The following DDX31 variants were observed in gnomAD, a reference collection of about 807,000 sequenced individuals.
The protein encoded by DDX31 is ATP-dependent DNA helicase DDX31.
A neutral mutation model predicts 91.3 loss-of-function variants in DDX31; 70 were observed. That is an observed-to-expected ratio of 0.77 (90% confidence interval 0.63 to 0.94). DDX31 has a LOEUF of 0.94. Ranked by LOEUF, DDX31 falls within the 40% of genes least tolerant of loss-of-function variation. The pLI is 0.00. For synonymous variants in DDX31, 362 were observed against 350.6 expected, an observed-to-expected ratio of 1.03 and a Z score of -0.36; for missense variants, 902 against 925.0, an observed-to-expected ratio of 0.98 and a Z score of 0.32.
intron 19 of DDX31, among the ~76,000 whole-genome samples, chr9:132,607,453 T>C (rs1404778410): frequency 6.6e-6 from 1 of 152,232 alleles, no homozygotes; most frequent in Non-Finnish European, 1.5e-5. Flanking sequence ...ATTGCATTAC[T>C]GATAATGAAG....
intron 17 of DDX31, among the ~76,000 whole-genome samples, chr9:132,618,849 C>T (rs900681084): frequency 5.9e-5 from 9 of 152,170 alleles, no homozygotes; most frequent in Non-Finnish European, 1.2e-4. Context: ...AGTGGAACAC[C>T]GACAATTTCT....
chr9:132,634,638 G>A (rs1383603817), intron 14 of DDX31, among the ~76,000 whole-genome samples: 1 of 138,940 alleles, frequency 7.2e-6, no homozygotes, highest in African/African-American at 2.6e-5. Context: ...TGCTGCCCAG[G>A]CTGGAGTGCA....
chr9:132,595,031 G>A lies in DDX31; in HGVS notation c.2076C>T (p.Ala692=), dbSNP rs745675409. 9 of 1,614,204 alleles carry A rather than the reference G, an allele frequency of 5.6e-6. No homozygotes were observed. The highest frequency in any genetic ancestry group is 6.8e-6 in the Non-Finnish European group (8 of 1,180,048). Residue 692 remains alanine, a synonymous_variant, in exon 20 of 20, where the codon GCC becomes GCT. Transcript: ENST00000372159. This position sits in a 1 kb window ranked among gnomAD's most constrained non-coding sequence, Gnocchi z 4.6. ...LRSEYSSGME[A]DIAKVKKQNA... Reference sequence around the variant, plus strand: ...TTTGCTTTTTGACCTTGGCGATGTCGGCCTCCATGCCGCTTGAGTATTCCG... The same window carrying A: ...TTTGCTTTTTGACCTTGGCGATGTCAGCCTCCATGCCGCTTGAGTATTCCG...
In DDX31 at chr9:132,641,881, G is replaced by C. The variant is rs149280043; in HGVS notation, c.1440+123C>G. 65 of 927,608 alleles carry C rather than the reference G, an allele frequency of 7.0e-5. No individual in the cohort carries two copies. The African/African-American group carries it at 1.1e-3, about 15-fold the overall frequency. 57.5% of individuals were successfully genotyped at this position (927,608 alleles called of 1,614,324 possible). On this transcript the variant is annotated intron_variant, in intron 14 of 19. Coordinates refer to ENST00000372159, the MANE Select transcript of DDX31 (RefSeq NM_022779.9). The stretch of plus-strand genomic sequence containing the variant: ...GGTGCAAAGAGGCCAGCCCCACCAA[G>C]GGGCCCCTAGTGTTCCTGGGCCCTG...
chr9:132,654,477 G>C (rs1182276759), intron 6 of DDX31, among the ~76,000 whole-genome samples: 1 of 152,080 alleles, frequency 6.6e-6, no homozygotes, highest in East Asian at 1.9e-4. Flanking sequence ...GCCAGGCGTG[G>C]TGGTGCATGC....
chr9:132,669,576 C>G, intron 1 of DDX31: 2 of 1,476,660 alleles, frequency 1.4e-6, no homozygotes, highest in Non-Finnish European at 1.8e-6. Context: ...CTACCTTCCA[C>G]GGGAAACAGC....
intron 14 of DDX31, among the ~76,000 whole-genome samples, chr9:132,638,844 T>C (rs1833295328): frequency 6.6e-6 from 1 of 152,204 alleles, no homozygotes. Flanking sequence ...TGAACTTCTG[T>C]GTGAGCACAC....
intron 1 of DDX31, among the ~76,000 whole-genome samples, chr9:132,667,226 C>T (rs1369293585): frequency 1.3e-5 from 2 of 152,104 alleles, no homozygotes; most frequent in Non-Finnish European, 2.9e-5. Context: ...TTTCTAAATC[C>T]AGTATATTAG....
chr9:132,666,700 TTTTTTG>T (rs1306264263), intron 1 of DDX31, among the ~76,000 whole-genome samples: 9 of 150,472 alleles, frequency 6.0e-5, no homozygotes, highest in South Asian at 4.2e-4. Flanking sequence ...TTTGTGTTTG[TTTTTTG>T]TTTTTGTTTT....
intron 19 of DDX31, 47 bp downstream of exon 19, chr9:132,612,040 A>C: frequency 6.3e-7 from 1 of 1,584,828 alleles, no homozygotes; most frequent in Admixed American, 1.7e-5. Context: ...ACATCATGTG[A>C]ACGGAGCTCT....
intron 1 of DDX31, 95 bp from the exon 2 acceptor site, chr9:132,662,790 TCTCC>T: frequency 2.6e-6 from 4 of 1,527,980 alleles, no homozygotes; most frequent in Non-Finnish European, 3.6e-6. Context: ...GAATTGCATC[TCTCC>T]CTGCAGAGAT....
intron 6 of DDX31, among the ~76,000 whole-genome samples, chr9:132,653,608 T>C (rs890972561): frequency 2.8e-5 from 3 of 108,422 alleles, no homozygotes; most frequent in Admixed American, 9.3e-5. Flanking sequence ...TAGCAAAAAA[T>C]ATACAAAATC....
intron 13 of DDX31, among the ~76,000 whole-genome samples, chr9:132,645,238 A>T (rs1833750427): frequency 6.6e-6 from 1 of 152,118 alleles, no homozygotes; most frequent in Non-Finnish European, 1.5e-5. Flanking sequence ...CTCCATAACA[A>T]ACGGCCTAGT....
Position 132,595,209 on chromosome 9 carries a change from G to A in DDX31, c.1995-97C>T. ...TAGCAGCTGGTTCTGAGACTGTGAA[G>A]CTGACATTTTTGTATTAACAGAAGT... On this transcript the variant is annotated intron_variant, in intron 19 of 19. Transcript: ENST00000372159. The surrounding 1 kb of genome is among the most constrained non-coding windows in gnomAD (Gnocchi z 4.6). 1 of 1,443,316 alleles carries A rather than the reference G, an allele frequency of 6.9e-7. No homozygotes were observed. The highest frequency in any genetic ancestry group is 9.3e-7 in the Non-Finnish European group (1 of 1,075,016). 89.4% of individuals were successfully genotyped at this position (1,443,316 alleles called of 1,614,324 possible).
intron 16 of DDX31, 89 bp downstream of exon 16, chr9:132,630,175 G>A (rs993495883): frequency 4.3e-5 from 61 of 1,410,950 alleles, no homozygotes; most frequent in African/African-American, 8.6e-5. Flanking sequence ...ATGGCTCTTC[G>A]TCAGCTTACA....
intron 12 of DDX31, among the ~76,000 whole-genome samples, chr9:132,646,430 TC>T (rs1833843837): frequency 6.6e-6 from 1 of 152,136 alleles, no homozygotes; most frequent in Non-Finnish European, 1.5e-5. Flanking sequence ...CTTAAGCCCT[TC>T]CACTTACTAT....
At chr9:132,630,179 G>A in intron 16 of DDX31, 85 bp downstream of exon 16, 1 of 1,432,304 alleles carries the variant, frequency 7.0e-7, no homozygotes, top group Non-Finnish European at 9.4e-7. Flanking sequence ...CTCTTCGTCA[G>A]CTTACAAGGC....
At chr9:132,660,846 T>C (rs921045542) in intron 4 of DDX31, among the ~76,000 whole-genome samples, 12 of 152,240 alleles carry the variant, frequency 7.9e-5, no homozygotes, top group Non-Finnish European at 1.8e-4. Flanking sequence ...ACTGAACATT[T>C]ACTCTTGTCT....
chr9:132,656,773 T>G (rs1564334208), intron 6 of DDX31, among the ~76,000 whole-genome samples: 1 of 152,182 alleles, frequency 6.6e-6, no homozygotes. Flanking sequence ...TAGTCCAAAC[T>G]CTTCAACTGG....
Sources: gnomAD v4.1 joint callset for allele counts (sites outside exome capture counted in the v4.1 genomes callset) on GRCh38, gnomAD v4.1.1 for gene constraint, Gnocchi (gnomAD v3.1) non-coding constraint, MANE v1.5 for transcripts, NCBI Gene and HGNC (gene_info 2026-07-23, HGNC 2026-07-21) for gene names.